SLIT2: variants seen among roughly 807,000 people sequenced by gnomAD.
SLIT2 encodes the protein slit guidance ligand 2.
SLIT2 carries 41 observed loss-of-function variants against 185.7 expected under a neutral mutation model. The observed-to-expected ratio is 0.22, with a 90% confidence interval of 0.17 to 0.29. The LOEUF is 0.29. SLIT2 is among the 10% of genes least tolerant of loss of function. The probability of loss-of-function intolerance (pLI) is 1.00; values close to 1 mark genes in which losing one functional copy is unlikely to be tolerated. For missense variants in SLIT2, 1,571 were observed against 1,909.0 expected, an observed-to-expected ratio of 0.82 and a Z score of 3.30; for synonymous variants, 693 against 680.2, an observed-to-expected ratio of 1.02 and a Z score of -0.29.
At chr4:20,485,530 T>A (rs1209258347) in intron 6 of SLIT2, among the ~76,000 whole-genome samples, 1 of 152,188 alleles carries the variant, frequency 6.6e-6, no homozygotes, top group Non-Finnish European at 1.5e-5. Context: ...AAAGCATGAC[T>A]GCTGCCACAC....
intron 4 of SLIT2, among the ~76,000 whole-genome samples, chr4:20,317,020 A>G (rs1718653805): frequency 6.7e-6 from 1 of 148,782 alleles, no homozygotes; most frequent in African/African-American, 2.4e-5. Flanking sequence ...TGTGTGAAAT[A>G]TTTTGACTGT....
intron 6 of SLIT2, among the ~76,000 whole-genome samples, chr4:20,482,771 C>G (rs1442161671): frequency 6.6e-6 from 1 of 151,110 alleles, no homozygotes; most frequent in Non-Finnish European, 1.5e-5. Context: ...TAAATTTCTT[C>G]TAAAAAGATT....
intron 29 of SLIT2, among the ~76,000 whole-genome samples, chr4:20,570,044 A>T (rs1227028213): frequency 6.6e-6 from 1 of 152,086 alleles, no homozygotes; most frequent in East Asian, 1.9e-4. Flanking sequence ...ACCTTTCTTG[A>T]TGGGAAAATG....
At chr4:20,512,259 C>T (rs10023551) in intron 11 of SLIT2, among the ~76,000 whole-genome samples, 21,864 of 152,008 alleles carry the variant, frequency 0.14, 1,657 homozygotes, top group East Asian at 0.23. Context: ...CCCAGATAAA[C>T]CCCTGGAGTT....
intron 4 of SLIT2, among the ~76,000 whole-genome samples, chr4:20,406,242 G>A (rs1726765760): frequency 6.9e-6 from 1 of 143,922 alleles, no homozygotes; most frequent in African/African-American, 2.4e-5. Context: ...CCAAATCCTT[G>A]GTTAGGCATT....
At chr4:20,573,615 T>C (rs536284320) in intron 29 of SLIT2, among the ~76,000 whole-genome samples, 23 of 152,168 alleles carry the variant, frequency 1.5e-4, no homozygotes, top group Non-Finnish European at 2.9e-4. Context: ...ATTTTTGGAA[T>C]GAAAAACATA....
intron 4 of SLIT2, among the ~76,000 whole-genome samples, chr4:20,330,853 T>G (rs1282071749): frequency 1.3e-5 from 2 of 152,106 alleles, no homozygotes; most frequent in Non-Finnish European, 2.9e-5. Context: ...CTTCATTACT[T>G]GTTAAGGAAA....
At chr4:20,584,668 A>G (rs945553847) in intron 29 of SLIT2, among the ~76,000 whole-genome samples, 4 of 152,220 alleles carry the variant, frequency 2.6e-5, no homozygotes, top group Non-Finnish European at 4.4e-5. Context: ...CACTTTTGGC[A>G]TGCTCTTTCA....
At chr4:20,554,578 A>G (rs1724075600) in intron 26 of SLIT2, among the ~76,000 whole-genome samples, 1 of 152,140 alleles carries the variant, frequency 6.6e-6, no homozygotes, top group South Asian at 2.1e-4. Context: ...GAAACAATTT[A>G]TTTTCTGCAA....
chr4:20,578,256 A>G (rs1356738974), intron 29 of SLIT2, among the ~76,000 whole-genome samples: 1 of 152,212 alleles, frequency 6.6e-6, no homozygotes, highest in Non-Finnish European at 1.5e-5. Context: ...ATACAAAAAT[A>G]TAAATATAAA....
intron 9 of SLIT2, among the ~76,000 whole-genome samples, chr4:20,497,569 T>G (rs886829735): frequency 6.6e-6 from 1 of 152,228 alleles, no homozygotes; most frequent in African/African-American, 2.4e-5. Context: ...AACTAAGAGC[T>G]GTTTTATATT....
In SLIT2 at chr4:20,509,734, T is replaced by C. The variant is rs892531198; in HGVS notation, c.915-761T>C. 8.5e-4 allele frequency among the ~76,000 whole-genome samples: 130 copies of C among 152,212 alleles called. 11 individuals are homozygous for C. The highest frequency in any genetic ancestry group is 4.1e-4 in the South Asian group (2 of 4,830). On this transcript the variant is annotated intron_variant, in intron 9 of 36. Transcript: ENST00000504154. ...CAAAAGACTTCATGCAATCTACTTA[T>C]TTGTGCGTTTCATAACTAGGTGGGT...
chr4:20,551,720 G>A (rs1577911003), intron 25 of SLIT2, among the ~76,000 whole-genome samples: 1 of 152,052 alleles, frequency 6.6e-6, no homozygotes, highest in African/African-American at 2.4e-5. Flanking sequence ...AGAAGAGATT[G>A]CCTGCCATAT....
chr4:20,583,382 T>C (rs1726760978), intron 29 of SLIT2, among the ~76,000 whole-genome samples: 1 of 152,244 alleles, frequency 6.6e-6, no homozygotes, highest in Non-Finnish European at 1.5e-5. Context: ...AAGAGCTTTG[T>C]AGAATAGTTC....
At chr4:20,304,792 C>T (rs369645439) in intron 4 of SLIT2, among the ~76,000 whole-genome samples, 53 of 152,192 alleles carry the variant, frequency 3.5e-4, no homozygotes, top group African/African-American at 1.3e-3. Flanking sequence ...CCATACAAAA[C>T]GCAAAAACTG....
At chr4:20,468,978 A>G (rs183220723) in intron 5 of SLIT2, among the ~76,000 whole-genome samples, 19 of 152,146 alleles carry the variant, frequency 1.2e-4, no homozygotes, top group Admixed American at 1.2e-3. Context: ...TTGAACTTGC[A>G]CTTTCTAAAT....
Position 20,501,354 on chromosome 4 carries a change from C to T in SLIT2, c.915-9141C>T, listed in dbSNP as rs529651074. Among the ~76,000 whole-genome samples the T allele has an allele frequency of 1.0e-3, 158 of 152,202 alleles. 1 individual carries two copies. Among genetic ancestry groups the T allele is most frequent in the African/African-American group, 3.4e-3 (143 of 41,534 alleles). ...AGGCTGGAGTGCAGTGGCGTGATCT[C>T]GGCTCACTGCAACCTCCGCCTCCAG... On this transcript the variant is annotated intron_variant, in intron 9 of 36. Transcript: ENST00000504154.
intron 18 of SLIT2, among the ~76,000 whole-genome samples, chr4:20,534,277 A>T (rs138317265): frequency 3.2e-4 from 49 of 152,328 alleles, no homozygotes; most frequent in African/African-American, 1.1e-3. Context: ...GTCTCAGTGT[A>T]AAAGAAAGAC....
At position 20,502,496 on chromosome 4, in the gene SLIT2, A is replaced by G. The variant is rs527297268; in HGVS notation, c.915-7999A>G. Among the ~76,000 whole-genome samples, 5 of 152,364 alleles carry G rather than the reference A, an allele frequency of 3.3e-5. No homozygotes were observed. In the South Asian group the frequency reaches 1.0e-3, roughly 32 times the overall value. On this transcript the variant is annotated intron_variant, in intron 9 of 36. Transcript: ENST00000504154. Reference sequence around the variant, plus strand: ...AGAATTGAAGCTTTACACAAACAGAATTTTAAACATGAGATAAATAGTAAA... The same window carrying G: ...AGAATTGAAGCTTTACACAAACAGAGTTTTAAACATGAGATAAATAGTAAA...
Sources: allele counts gnomAD v4.1 joint callset (sites outside exome capture counted in the v4.1 genomes callset), GRCh38; gene constraint gnomAD v4.1.1; transcripts MANE v1.5; gene names NCBI Gene and HGNC (gene_info 2026-07-23, HGNC 2026-07-21).